The following CEP89 variants were observed in gnomAD, a reference collection of about 807,000 sequenced individuals.
CEP89 encodes the protein centrosomal protein of 89 kDa.
In CEP89, 95 loss-of-function variants were observed where a neutral mutation model predicts 97.6. The observed-to-expected ratio is 0.97, with a 90% CI of 0.82 to 1.15. The LOEUF (loss-of-function observed/expected upper bound fraction) is 1.15. CEP89 is among the 50% of genes most tolerant of loss of function. CEP89 has a pLI of 0.00. For missense variants in CEP89, 869 were observed against 947.7 expected (o/e 0.92, Z 1.09); for synonymous variants, 354 against 349.1 (o/e 1.01, Z -0.16).
intron 4 of CEP89, among the ~76,000 whole-genome samples, chr19:32,951,969 C>T (rs1050279637): frequency 2.6e-5 from 4 of 152,052 alleles, no homozygotes; most frequent in African/African-American, 4.8e-5. Context: ...GGCAAGTGTG[C>T]GGGTGAGGAG....
chr19:32,912,712 T>C (rs1970026922), intron 14 of CEP89, among the ~76,000 whole-genome samples: 1 of 152,190 alleles, frequency 6.6e-6, no homozygotes, highest in Non-Finnish European at 1.5e-5. Flanking sequence ...AGTACATATG[T>C]AATTTTATAT....
intron 2 of CEP89, 101 bp downstream of exon 2, chr19:32,966,259 A>C: frequency 2.0e-6 from 1 of 499,502 alleles, no homozygotes; most frequent in African/African-American, 2.0e-5. Context: ...GATTCTAACC[A>C]CCCTACTTAT....
intron 14 of CEP89, among the ~76,000 whole-genome samples, chr19:32,914,839 T>C (rs1379435422): frequency 6.6e-6 from 1 of 151,924 alleles, no homozygotes; most frequent in Non-Finnish European, 1.5e-5. Context: ...CTGGTCAACA[T>C]GGTGAAACCC....
intron 16 of CEP89, among the ~76,000 whole-genome samples, chr19:32,889,894 G>A (rs1969477353): frequency 6.6e-6 from 1 of 152,162 alleles, no homozygotes; most frequent in Non-Finnish European, 1.5e-5. Flanking sequence ...CACAGCAGCA[G>A]AAGGGAAAAT....
chr19:32,895,135 A>AATACC (rs777166214), intron 16 of CEP89, among the ~76,000 whole-genome samples: 1 of 152,180 alleles, frequency 6.6e-6, no homozygotes, highest in Non-Finnish European at 1.5e-5. Context: ...TCAGGCCAGC[A>AATACC]ATACCCTGCT....
intron 12 of CEP89, among the ~76,000 whole-genome samples, chr19:32,923,119 G>A (rs1368364752): frequency 3.9e-5 from 6 of 152,140 alleles, no homozygotes; most frequent in Non-Finnish European, 5.9e-5. Context: ...GGGAGCCATC[G>A]CTGGGGCCTA....
chr19:32,959,703 G>A (rs894954891), intron 3 of CEP89, among the ~76,000 whole-genome samples, 197 bp downstream of exon 3: 4 of 152,198 alleles, frequency 2.6e-5, no homozygotes, highest in African/African-American at 4.8e-5. Flanking sequence ...TTAGGTTGCT[G>A]GACAGTGTCC....
At chr19:32,954,914 C>T (rs1971015736) in intron 3 of CEP89, among the ~76,000 whole-genome samples, 1 of 151,534 alleles carries the variant, frequency 6.6e-6, no homozygotes, top group South Asian at 2.1e-4. Flanking sequence ...ATCTGCACAC[C>T]TCGGCCTCCC....
chr19:32,887,825 C>G lies in CEP89; in HGVS notation c.1892G>C (p.Ser631Thr). Residue 631 changes from serine (S) to threonine (T), a missense_variant, in exon 17 of 19, where the codon AGT (serine) becomes ACT (threonine). By Grantham distance (58) the Ser-to-Thr change is moderately conservative. Transcript: ENST00000305768. ...TTTATTAAGCACTCCATCCTTCTCACTTTCTAAACATTTTGCCTAGGGAGA... is the reference window on the plus strand; with the variant it reads ...TTTATTAAGCACTCCATCCTTCTCAGTTTCTAAACATTTTGCCTAGGGAGA... Reference protein sequence around the residue: ...SLMCLAKCLESEKDGVLNKVI... With the variant: ...SLMCLAKCLETEKDGVLNKVI... The G allele has an allele frequency of 6.2e-7, 1 of 1,610,958 alleles. No individual in the cohort carries two copies. The highest frequency in any genetic ancestry group is 8.5e-7 in the Non-Finnish European group (1 of 1,177,482).
chr19:32,883,820 A>G (rs1180573050), intron 17 of CEP89, among the ~76,000 whole-genome samples: 2 of 152,084 alleles, frequency 1.3e-5, no homozygotes, highest in Middle Eastern at 3.4e-3. Flanking sequence ...TAAATCTTCT[A>G]TTTTCTTATT....
rs1970575738 is a variant in CEP89 at position 32,936,123 on chromosome 19, T to C, written c.667+1508A>G. 6.6e-6 allele frequency among the ~76,000 whole-genome samples: 1 copy of C among 152,058 alleles called. No individual in the cohort carries two copies. Among genetic ancestry groups the C allele is most frequent in the Non-Finnish European group, 1.5e-5 (1 of 67,984 alleles). On this transcript the variant is annotated intron_variant, in intron 7 of 18. Transcript: ENST00000305768. This position sits in a 1 kb window ranked among gnomAD's most constrained non-coding sequence, Gnocchi z 4.5. ...AGGCTCCCGTGTCCCCGCAGGCTTA[T>C]GGGTGTTTGCTCTAGCTGCCTGGTC...
rs1971127185 is a variant in CEP89 at position 32,959,839 on chromosome 19, C to G, written c.305+61G>C. 4 of 1,593,018 alleles carry G rather than the reference C, an allele frequency of 2.5e-6. No individual in the cohort carries two copies. The South Asian group carries it at 3.3e-5, about 13-fold the overall frequency. ...CGCATGCACACATACACGTAGAGAC[C>G]AGGCTGAGCCTGCCCCTCTTCCACT... On this transcript the variant is annotated intron_variant, in intron 3 of 18. Coordinates refer to ENST00000305768, the MANE Select transcript of CEP89 (RefSeq NM_032816.5).
At chr19:32,951,640 A>T (rs2145955761) in intron 4 of CEP89, among the ~76,000 whole-genome samples, 1 of 151,958 alleles carries the variant, frequency 6.6e-6, no homozygotes, top group East Asian at 1.9e-4. Flanking sequence ...TGCACTCCAA[A>T]TCCAAGAAAA....
At chr19:32,928,453 C>G (rs889340927) in intron 9 of CEP89, among the ~76,000 whole-genome samples, 5 of 151,946 alleles carry the variant, frequency 3.3e-5, no homozygotes, top group South Asian at 4.2e-4. Flanking sequence ...TTTTTTCACC[C>G]TGGTCATGGT....
intron 14 of CEP89, among the ~76,000 whole-genome samples, chr19:32,902,048 G>GTGTGTGTGTGTA (rs1255251867): frequency 2.7e-5 from 4 of 150,040 alleles, no homozygotes; most frequent in African/African-American, 1.0e-4. Context: ...GTGTGTGTAT[G>GTGTGTGTGTGTA]TGTGTGTATA....
Position 32,960,030 on chromosome 19 carries a change from T to A in CEP89, c.175A>T (p.Thr59Ser). ...GCAACCGTCCGCCCAGTCAATGTTG[T>A]CGCCAGAATGGCTGCTGCCAGAGCA... ...RSALAAAILATTLTGRTVAIP... is the reference protein window; with the variant it reads ...RSALAAAILASTLTGRTVAIP... The change falls in exon 3 of 19, where the codon ACA (threonine) becomes TCA (serine). Residue 59 changes from threonine to serine, a missense_variant. Thr to Ser is a moderately conservative substitution (Grantham distance 58). Transcript: ENST00000305768. 1 of 1,614,206 alleles carries A rather than the reference T, an allele frequency of 6.2e-7. No homozygotes were observed. Among genetic ancestry groups the A allele is most frequent in the Non-Finnish European group, 8.5e-7 (1 of 1,180,030 alleles).
intron 7 of CEP89, among the ~76,000 whole-genome samples, chr19:32,935,730 G>A (rs1322149852): frequency 6.6e-6 from 1 of 152,168 alleles, no homozygotes; most frequent in East Asian, 1.9e-4. Context: ...GCAGGGAGGT[G>A]TGGCCCAAGC....
rs745961 is a variant in CEP89 at position 32,879,164 on chromosome 19, A to G, written c.2350T>C (p.Ter784GlnextTer8). 514,331 of 1,602,036 alleles carry G rather than the reference A, an allele frequency of 0.32. 89,061 individuals are homozygous for G. Among genetic ancestry groups the G allele is most frequent in the Non-Finnish European group, 0.36 (426,852 of 1,171,634 alleles). Reference sequence around the variant, plus strand: ...TACACCACGGGCTCCCGCAGATTCTAGCAGGTGGGGGCATGAGACTTCAGG... The same window carrying G: ...TACACCACGGGCTCCCGCAGATTCTGGCAGGTGGGGGCATGAGACTTCAGG... ...YDLKSHAPTC[*>Q] Residue 784 changes from the stop codon to glutamine (Q), a stop_lost, in exon 19 of 19, where the codon TAG becomes CAG. Transcript: ENST00000305768.
At chr19:32,887,144 T>G (rs1046581872) in intron 17 of CEP89, among the ~76,000 whole-genome samples, 1 of 151,656 alleles carries the variant, frequency 6.6e-6, no homozygotes, top group African/African-American at 2.4e-5. Flanking sequence ...TGAGCCATTG[T>G]CATGTCACTG....
Sources: gnomAD v4.1 joint callset for allele counts (sites outside exome capture counted in the v4.1 genomes callset) on GRCh38, gnomAD v4.1.1 for gene constraint, Gnocchi (gnomAD v3.1) non-coding constraint, MANE v1.5 for transcripts, NCBI Gene and HGNC (gene_info 2026-07-23, HGNC 2026-07-21) for gene names.